PEAK1: variants seen among roughly 807,000 people sequenced by gnomAD.
PEAK1 encodes the protein inactive tyrosine-protein kinase PEAK1.
A neutral mutation model predicts 124.7 loss-of-function variants in PEAK1; 54 were observed. The ratio of observed to expected loss-of-function variants is 0.43; its 90% CI spans 0.35 to 0.54. The LOEUF (loss-of-function observed/expected upper bound fraction) is 0.54, where lower values mean the gene tolerates loss of function less well. Among genes scored for constraint, PEAK1 ranks in the 20% least tolerant of loss-of-function variants. PEAK1 has a pLI of 0.01. For synonymous variants in PEAK1, 719 were observed against 760.0 expected (o/e 0.95, Z 0.89); for missense variants, 2,046 against 2,134.5 (o/e 0.96, Z 0.82).
At chr15:77,136,068 G>A (rs111802716) in intron 8 of PEAK1, among the ~76,000 whole-genome samples, 13,278 of 152,200 alleles carry the variant, frequency 0.087, 652 homozygotes, top group Non-Finnish European at 0.1. Flanking sequence ...GCAGCTTCCT[G>A]GAGACTTGTT....
chr15:77,334,891 C>CT, intron 2 of PEAK1: 1 of 985,374 alleles, frequency 1.0e-6, no homozygotes, highest in Non-Finnish European at 1.2e-6. Context: ...AGATTGCTTC[C>CT]TTTTTATTAC....
intron 2 of PEAK1, among the ~76,000 whole-genome samples, chr15:77,319,993 T>C (rs1045224298): frequency 6.6e-6 from 1 of 152,212 alleles, no homozygotes; most frequent in African/African-American, 2.4e-5. Flanking sequence ...GCCTTCTTTG[T>C]AACAAAGATA....
intron 9 of PEAK1, among the ~76,000 whole-genome samples, chr15:77,120,213 ACT>A (rs906114946): frequency 3.3e-5 from 5 of 151,458 alleles, no homozygotes; most frequent in African/African-American, 1.2e-4. Context: ...TCATTGACAA[ACT>A]CTCTTCCGCA....
In PEAK1 at chr15:77,371,494, T is replaced by C. The variant is rs576578611; in HGVS notation, c.-665-6269A>G. The C allele has an allele frequency of 2.4e-5, 23 of 969,896 alleles. No individual in the cohort carries two copies. The African/African-American group carries it at 4.0e-4, about 17-fold the overall frequency. The allele number at this position is 969,896 out of a possible 1,614,324, so 60.1% of individuals were successfully genotyped here. A position where few individuals can be genotyped will look rare whatever the true frequency, so the allele number is the denominator to read the frequency against. On this transcript the variant is annotated intron_variant, in intron 1 of 9. Coordinates refer to ENST00000682557, the MANE Select transcript of PEAK1 (RefSeq NM_001385026.1). Reference sequence around the variant, plus strand: ...CAGATCTTTATTGTAGCCTTTGTTGTAACACTACACACATACCACCACCAC... The same window carrying C: ...CAGATCTTTATTGTAGCCTTTGTTGCAACACTACACACATACCACCACCAC...
intron 6 of PEAK1, among the ~76,000 whole-genome samples, chr15:77,206,258 G>C (rs914836318): frequency 6.9e-6 from 1 of 145,790 alleles, no homozygotes; most frequent in Non-Finnish European, 1.5e-5. Context: ...CCAAGTCTTT[G>C]CTATTGTGAA....
intron 6 of PEAK1, among the ~76,000 whole-genome samples, chr15:77,202,217 C>T (rs1304356381): frequency 6.6e-6 from 1 of 152,052 alleles, no homozygotes; most frequent in Admixed American, 6.6e-5. Context: ...CTCAATTGCG[C>T]ACCTTGCAAT....
At chr15:77,154,252 T>A (rs1315734477) in intron 8 of PEAK1, among the ~76,000 whole-genome samples, 2 of 152,234 alleles carry the variant, frequency 1.3e-5, no homozygotes, top group African/African-American at 4.8e-5. Flanking sequence ...GCCTTCTTTG[T>A]CTCTTTTAAT....
At chr15:77,214,044 T>G (rs563583648) in intron 6 of PEAK1, among the ~76,000 whole-genome samples, 2 of 152,194 alleles carry the variant, frequency 1.3e-5, no homozygotes, top group African/African-American at 2.4e-5. Context: ...ATAGTAGTCA[T>G]GTTTGACTTG....
intron 1 of PEAK1, among the ~76,000 whole-genome samples, chr15:77,390,222 C>T (rs989069594): frequency 3.9e-5 from 6 of 152,158 alleles, no homozygotes; most frequent in African/African-American, 1.4e-4. Flanking sequence ...ATTTGAGTAT[C>T]TGTGGGGGAA....
At chr15:77,333,302 T>C (rs892902655) in intron 2 of PEAK1, 51 of 969,234 alleles carry the variant, frequency 5.3e-5, no homozygotes, top group Non-Finnish European at 5.8e-5. Flanking sequence ...TTTTTGTGTG[T>C]TATTATTTGT....
At chr15:77,203,291 G>A (rs527918349) in intron 6 of PEAK1, among the ~76,000 whole-genome samples, 25 of 152,122 alleles carry the variant, frequency 1.6e-4, no homozygotes, top group South Asian at 8.3e-4. Context: ...GACCCACGCC[G>A]TTCAAACTGG....
chr15:77,396,767 T>C (rs1042769480), intron 1 of PEAK1, among the ~76,000 whole-genome samples: 1 of 152,004 alleles, frequency 6.6e-6, no homozygotes, highest in African/African-American at 2.4e-5. Context: ...AGGACCCAGA[T>C]ATATAAAGCA....
chr15:77,370,533 G>T, intron 1 of PEAK1: 1 of 188,684 alleles, frequency 5.3e-6, no homozygotes, highest in Non-Finnish European at 9.9e-6. Context: ...TTATAGTAGT[G>T]ATTCTCATCT....
At chr15:77,389,912 T>C (rs139303665) in intron 1 of PEAK1, among the ~76,000 whole-genome samples, 2 of 152,332 alleles carry the variant, frequency 1.3e-5, no homozygotes, top group East Asian at 1.9e-4. Context: ...ATGGGATTAG[T>C]GTAGTCTGTA....
At chr15:77,366,546 A>G (rs2068253179) in intron 1 of PEAK1, among the ~76,000 whole-genome samples, 1 of 151,812 alleles carries the variant, frequency 6.6e-6, no homozygotes, top group Admixed American at 6.6e-5. Flanking sequence ...TAAATTGGTA[A>G]ATTTGTTTTT....
At chr15:77,205,641 G>A (rs541837603) in intron 6 of PEAK1, among the ~76,000 whole-genome samples, 32 of 152,166 alleles carry the variant, frequency 2.1e-4, no homozygotes, top group African/African-American at 7.7e-4. Flanking sequence ...CTGTTAATGT[G>A]CTGTGAAAGA....
chr15:77,188,542 G>T (rs1458441975), intron 6 of PEAK1, among the ~76,000 whole-genome samples: 1 of 152,158 alleles, frequency 6.6e-6, no homozygotes, highest in Non-Finnish European at 1.5e-5. Flanking sequence ...ATACATCAGA[G>T]AAGAAGTTAA....
At chr15:77,234,541 T>C (rs2060033842) in intron 6 of PEAK1, among the ~76,000 whole-genome samples, 1 of 152,142 alleles carries the variant, frequency 6.6e-6, no homozygotes, top group South Asian at 2.1e-4. Flanking sequence ...AATCAACCAA[T>C]GTCCCATTAC....
intron 2 of PEAK1, among the ~76,000 whole-genome samples, chr15:77,314,800 T>A (rs2064769255): frequency 6.6e-6 from 1 of 152,194 alleles, no homozygotes; most frequent in East Asian, 1.9e-4. Flanking sequence ...CAGAGTAACG[T>A]ATAAGCATGA....
Sources: gnomAD v4.1 joint callset for allele counts (sites outside exome capture counted in the v4.1 genomes callset) on GRCh38, gnomAD v4.1.1 for gene constraint, MANE v1.5 for transcripts, NCBI Gene and HGNC (gene_info 2026-07-23, HGNC 2026-07-21) for gene names.